The following FAM171A1 variants were observed in gnomAD, a reference collection of about 807,000 sequenced individuals.
The protein encoded by FAM171A1 is family with sequence similarity 171 member A1, also known as protein FAM171A1.
Under a neutral mutation model 74.9 loss-of-function variants are expected in FAM171A1, and 23 were observed. The observed-to-expected ratio is 0.31, with a 90% CI of 0.22 to 0.44. The LOEUF (loss-of-function observed/expected upper bound fraction) is 0.44. Among genes scored for constraint, FAM171A1 ranks in the 20% least tolerant of loss-of-function variants. The pLI is 1.00. For synonymous variants in FAM171A1, 527 were observed against 505.7 expected, an observed-to-expected ratio of 1.04 and a Z score of -0.57; for missense variants, 1,162 against 1,159.2, an observed-to-expected ratio of 1.00 and a Z score of -0.03.
chr10:15,349,579 G>T (rs1271089218), intron 1 of FAM171A1, among the ~76,000 whole-genome samples: 1 of 152,066 alleles, frequency 6.6e-6, no homozygotes, highest in African/African-American at 2.4e-5. Flanking sequence ...ACCACTAAAG[G>T]GCTTTTCCCA....
intron 3 of FAM171A1, among the ~76,000 whole-genome samples, chr10:15,256,549 C>T (rs185261847): frequency 3.9e-5 from 6 of 152,326 alleles, no homozygotes; most frequent in Admixed American, 3.9e-4. Context: ...GTCATCTCTG[C>T]TGAAACTAAA....
intron 1 of FAM171A1, among the ~76,000 whole-genome samples, chr10:15,354,911 T>C (rs1240040983): frequency 6.6e-6 from 1 of 152,264 alleles, no homozygotes; most frequent in Non-Finnish European, 1.5e-5. Context: ...GACCATCTCC[T>C]GTTATGCTCA....
intron 5 of FAM171A1, among the ~76,000 whole-genome samples, chr10:15,224,195 C>T (rs1834075746): frequency 6.6e-6 from 1 of 152,022 alleles, no homozygotes; most frequent in South Asian, 2.1e-4. Flanking sequence ...AGAGATGGGG[C>T]AGGGCGGGAG....
At chr10:15,333,997 CT>C (rs1000550023) in intron 1 of FAM171A1, among the ~76,000 whole-genome samples, 3 of 152,166 alleles carry the variant, frequency 2.0e-5, no homozygotes, top group Admixed American at 6.5e-5. Flanking sequence ...TCACTGTTAC[CT>C]CCTGAATCTC....
chr10:15,238,128 G>C (rs755948428), intron 5 of FAM171A1, among the ~76,000 whole-genome samples: 29 of 152,104 alleles, frequency 1.9e-4, no homozygotes, highest in Non-Finnish European at 3.7e-4. Context: ...CTAATGTTTG[G>C]GGGCACAGTG....
At chr10:15,269,543 T>G (rs1266854914) in intron 3 of FAM171A1, among the ~76,000 whole-genome samples, 1 of 152,114 alleles carries the variant, frequency 6.6e-6, no homozygotes, top group Non-Finnish European at 1.5e-5. Context: ...AGCTTTTCTG[T>G]GAGAGCAGGA....
chr10:15,356,092 T>C lies in FAM171A1; in HGVS notation c.97+14864A>G, dbSNP rs80009585. The stretch of plus-strand genomic sequence containing the variant: ...TTATTGAAAATAAACATAAACATCG[T>C]AGTGAAACCTCAACTTTGGTTTCTA... On this transcript the variant is annotated intron_variant, in intron 1 of 7. Coordinates refer to ENST00000378116, the MANE Select transcript of FAM171A1 (RefSeq NM_001010924.2). 4.2e-3 allele frequency among the ~76,000 whole-genome samples: 646 copies of C among 152,122 alleles called. 6 individuals are homozygous for C. Among genetic ancestry groups the C allele is most frequent in the African/African-American group, 0.015 (622 of 41,528 alleles).
intron 1 of FAM171A1, among the ~76,000 whole-genome samples, chr10:15,351,925 T>C (rs561123633): frequency 2.6e-5 from 4 of 152,034 alleles, no homozygotes; most frequent in Admixed American, 6.6e-5. Context: ...CGGTGGCTCA[T>C]GCCTGTAATC....
intron 1 of FAM171A1, 120 bp downstream of exon 1, chr10:15,370,836 G>T: frequency 3.4e-6 from 1 of 296,940 alleles, no homozygotes; most frequent in Non-Finnish European, 4.9e-6. Flanking sequence ...CTCCCGATGC[G>T]GCTCGGGCTG....
Position 15,214,305 on chromosome 10 carries a change from C to T in FAM171A1, c.1283G>A (p.Arg428Gln), listed in dbSNP as rs374423460. 2.4e-5 allele frequency: 38 copies of T among 1,613,042 alleles called. No homozygotes were observed. The Middle Eastern group carries it at 4.9e-4, about 21-fold the overall frequency. The change falls in exon 8 of 8, where the codon CGG becomes CAG. Residue 428 changes from arginine (R) to glutamine (Q), a missense_variant. Arg to Gln is a conservative substitution (Grantham distance 43). Transcript: ENST00000378116. Reference protein sequence around the residue: ...SYSTSQEFSSREELLSCKEED... With the variant: ...SYSTSQEFSSQEELLSCKEED... ...TTCCTTGCAAGAGAGGAGCTCCTCC[C>T]GGGAGCTAAATTCCTGGGAGGTGCT...
intron 1 of FAM171A1, among the ~76,000 whole-genome samples, chr10:15,368,703 T>C (rs1198527012): frequency 6.6e-6 from 1 of 152,174 alleles, no homozygotes; most frequent in Non-Finnish European, 1.5e-5. Context: ...CAACCCACTG[T>C]GGGAAATGCA....
chr10:15,322,027 A>C (rs1036655282), intron 1 of FAM171A1, among the ~76,000 whole-genome samples: 5 of 152,190 alleles, frequency 3.3e-5, no homozygotes, highest in African/African-American at 1.2e-4. Flanking sequence ...TAAAATTCTA[A>C]TGGTTCTAAT....
intron 1 of FAM171A1, among the ~76,000 whole-genome samples, chr10:15,368,396 A>G (rs1836092185): frequency 6.6e-6 from 1 of 152,250 alleles, no homozygotes; most frequent in Non-Finnish European, 1.5e-5. Flanking sequence ...CTACTACAGT[A>G]TATGATTTCC....
chr10:15,291,368 C>T (rs569589011), intron 1 of FAM171A1, among the ~76,000 whole-genome samples: 5 of 152,288 alleles, frequency 3.3e-5, no homozygotes, highest in African/African-American at 1.2e-4. Context: ...AGCATATACA[C>T]TTGTTTAAAT....
intron 1 of FAM171A1, among the ~76,000 whole-genome samples, chr10:15,304,157 G>A (rs1166179400): frequency 6.6e-6 from 1 of 152,204 alleles, no homozygotes; most frequent in African/African-American, 2.4e-5. Context: ...CTGCAGATGA[G>A]GAACTTGAGG....
chr10:15,322,107 G>C (rs926935802), intron 1 of FAM171A1, among the ~76,000 whole-genome samples: 1 of 152,294 alleles, frequency 6.6e-6, no homozygotes, highest in East Asian at 1.9e-4. Context: ...TACAAGCATG[G>C]GTTATTATAT....
At chr10:15,283,840 A>G (rs1395855944) in intron 2 of FAM171A1, 38 bp downstream of exon 2, 5 of 1,602,158 alleles carry the variant, frequency 3.1e-6, no homozygotes, top group Admixed American at 1.7e-5. Context: ...CCACCAGCCA[A>G]TGCCCTCTGT....
chr10:15,230,508 A>C (rs895983091), intron 5 of FAM171A1, among the ~76,000 whole-genome samples: 1 of 152,232 alleles, frequency 6.6e-6, no homozygotes, highest in Non-Finnish European at 1.5e-5. Context: ...GTAACCAACG[A>C]CCTTCTGTTT....
chr10:15,265,416 G>A lies in FAM171A1; in HGVS notation c.418+10439C>T, dbSNP rs151242571. Among the ~76,000 whole-genome samples the A allele has an allele frequency of 7.1e-3, 1,065 of 150,500 alleles. 7 individuals are homozygous for A. Among genetic ancestry groups the A allele is most frequent in the Middle Eastern group, 0.021 (6 of 290 alleles). ...ATCTTTGAGCGCAGGAGTTTGAGAC[G>A]AGCCTGGGCAACATGGTGAAACTCC... is the stretch of plus-strand genomic sequence containing the variant. On this transcript the variant is annotated intron_variant, in intron 3 of 7. Coordinates refer to ENST00000378116, the MANE Select transcript of FAM171A1 (RefSeq NM_001010924.2).
Sources: allele counts gnomAD v4.1 joint callset (sites outside exome capture counted in the v4.1 genomes callset), GRCh38; gene constraint gnomAD v4.1.1; transcripts MANE v1.5; gene names NCBI Gene and HGNC (gene_info 2026-07-23, HGNC 2026-07-21).